PTPRD: variants seen among roughly 807,000 people sequenced by gnomAD.
PTPRD encodes the protein protein tyrosine phosphatase receptor type D, also known as receptor-type tyrosine-protein phosphatase delta.
PTPRD carries 34 observed loss-of-function variants against 214.5 expected under a neutral mutation model. The ratio of observed to expected loss-of-function variants is 0.16; its 90% CI spans 0.12 to 0.21. The LOEUF (loss-of-function observed/expected upper bound fraction) is 0.21, where lower values mean the gene tolerates loss of function less well. Ranked by LOEUF, PTPRD falls within the 10% of genes least tolerant of loss-of-function variation. The pLI, the probability that PTPRD is intolerant of heterozygous loss-of-function variation, is 1.00. For missense variants in PTPRD, 2,545 were observed against 2,398.7 expected, an observed-to-expected ratio of 1.06 and a Z score of -1.27; for synonymous variants, 1,128 against 845.7, an observed-to-expected ratio of 1.33 and a Z score of -5.79.
At position 10,364,837 on chromosome 9, in the gene PTPRD, C is replaced by T. The variant is rs187639071; in HGVS notation, c.-599-23820G>A. On this transcript the variant is annotated intron_variant, in intron 2 of 45. Coordinates refer to ENST00000381196, the MANE Select transcript of PTPRD (RefSeq NM_002839.4). Reference sequence around the variant, plus strand: ...CCATACGATATCTATATTTTCGTAGCTCACTAAAATTTCAGAATTACATTT... The same window carrying T: ...CCATACGATATCTATATTTTCGTAGTTCACTAAAATTTCAGAATTACATTT... Among the ~76,000 whole-genome samples, 3 of 152,268 alleles carry T rather than the reference C, an allele frequency of 2.0e-5. No individual in the cohort carries two copies. In the East Asian group the frequency reaches 5.8e-4, roughly 29 times the overall value.
intron 11 of PTPRD, among the ~76,000 whole-genome samples, chr9:8,835,556 G>A (rs1228298210): frequency 2.6e-5 from 4 of 152,076 alleles, no homozygotes; most frequent in Admixed American, 2.0e-4. Context: ...GTTGAGACAG[G>A]TCTCACTCTG....
chr9:9,931,988 G>A (rs1475993649), intron 5 of PTPRD, among the ~76,000 whole-genome samples: 1 of 152,044 alleles, frequency 6.6e-6, no homozygotes, highest in Admixed American at 6.5e-5. Context: ...ACACAGCAGA[G>A]TACTCCAACA....
intron 3 of PTPRD, among the ~76,000 whole-genome samples, chr9:10,124,421 C>T (rs938492234): frequency 2.0e-5 from 3 of 152,138 alleles, no homozygotes; most frequent in Admixed American, 2.0e-4. Flanking sequence ...TAATACAACA[C>T]ACCATGCGTA....
At chr9:9,203,336 G>T (rs2099942987) in intron 9 of PTPRD, among the ~76,000 whole-genome samples, 1 of 152,026 alleles carries the variant, frequency 6.6e-6, no homozygotes. Context: ...CACAAAACTG[G>T]CATATAGTAG....
At chr9:10,147,091 G>C (rs1040106686) in intron 3 of PTPRD, among the ~76,000 whole-genome samples, 1 of 152,084 alleles carries the variant, frequency 6.6e-6, no homozygotes, top group African/African-American at 2.4e-5. Context: ...AACTAAACCA[G>C]TTACTTACAG....
chr9:8,884,342 G>C (rs1390764647), intron 11 of PTPRD, among the ~76,000 whole-genome samples: 1 of 152,242 alleles, frequency 6.6e-6, no homozygotes, highest in Non-Finnish European at 1.5e-5. Flanking sequence ...TCTAACTTCT[G>C]AGACTGCAGG....
chr9:8,602,997 CCAA>C (rs1386131857), intron 14 of PTPRD, among the ~76,000 whole-genome samples: 1 of 152,086 alleles, frequency 6.6e-6, no homozygotes, highest in African/African-American at 2.4e-5. Context: ...TGAAGAGATT[CCAA>C]CAACACTGCA....
chr9:9,217,013 A>C (rs2099952720), intron 9 of PTPRD, among the ~76,000 whole-genome samples: 1 of 152,146 alleles, frequency 6.6e-6, no homozygotes, highest in Non-Finnish European at 1.5e-5. Flanking sequence ...AAAAAATTCA[A>C]AGAACCAATA....
chr9:10,136,573 G>A (rs1359283278), intron 3 of PTPRD, among the ~76,000 whole-genome samples: 5 of 86,414 alleles, frequency 5.8e-5, no homozygotes, highest in East Asian at 7.7e-4. Flanking sequence ...AGATTTAAAC[G>A]TTAAACCTAA....
At chr9:9,854,834 A>G (rs937896954) in intron 5 of PTPRD, among the ~76,000 whole-genome samples, 7 of 152,142 alleles carry the variant, frequency 4.6e-5, no homozygotes, top group South Asian at 2.1e-4. Context: ...ACCTTTTGCT[A>G]TAACTATGGA....
chr9:9,561,680 A>C (rs1200209557), intron 8 of PTPRD, among the ~76,000 whole-genome samples: 1 of 152,244 alleles, frequency 6.6e-6, no homozygotes, highest in African/African-American at 2.4e-5. Flanking sequence ...CTTTCCAAAC[A>C]AAAGAAGGGT....
chr9:8,331,734 G>A lies in PTPRD; in HGVS notation c.5382C>T (p.Asp1794=), dbSNP rs143526425. The part of the protein sequence containing the change: ...LREFKVTDAR[D]GQSRTVRQFQ... ...ACTGCCTTACTGTTCGGGACTGGCC[G>A]TCCTTTAGAAGGAAAGCCACATACC... Residue 1794 remains aspartate (D), a splice_region_variant and synonymous_variant, in exon 44 of 46, where the codon GAC becomes GAT. Coordinates refer to ENST00000381196, the MANE Select transcript of PTPRD (RefSeq NM_002839.4). The A allele has an allele frequency of 1.6e-4, 251 of 1,588,532 alleles. 1 individual carries two copies. In the African/African-American group the frequency reaches 2.5e-3, roughly 16 times the overall value.
At chr9:9,638,334 C>G (rs930412354) in intron 7 of PTPRD, among the ~76,000 whole-genome samples, 3 of 152,182 alleles carry the variant, frequency 2.0e-5, no homozygotes, top group Non-Finnish European at 4.4e-5. Flanking sequence ...GCCAAATATC[C>G]TGGTTCATCA....
intron 10 of PTPRD, among the ~76,000 whole-genome samples, chr9:9,045,757 T>A (rs1053284171): frequency 1.3e-5 from 2 of 152,164 alleles, no homozygotes; most frequent in Admixed American, 6.5e-5. Flanking sequence ...GCACCAGCTG[T>A]TGGGTCCTGG....
At chr9:10,405,547 G>A (rs529213237) in intron 2 of PTPRD, among the ~76,000 whole-genome samples, 1 of 151,326 alleles carries the variant, frequency 6.6e-6, no homozygotes, top group Non-Finnish European at 1.5e-5. Context: ...AAAAGCAACT[G>A]ATATAAATAA....
chr9:9,629,238 G>GTATATATATATATA (rs113482595), intron 7 of PTPRD, among the ~76,000 whole-genome samples: 30 of 140,396 alleles, frequency 2.1e-4, no homozygotes, highest in African/African-American at 7.6e-4. Context: ...GTGTGTGTGT[G>GTATATATATATATA]TATATATATA....
intron 9 of PTPRD, among the ~76,000 whole-genome samples, chr9:9,268,111 T>A (rs976002298): frequency 1.3e-4 from 19 of 150,994 alleles, no homozygotes; most frequent in African/African-American, 4.4e-4. Context: ...ATCTTATATA[T>A]AGAAAACCCT....
chr9:8,489,813 C>T (rs751296217), intron 27 of PTPRD, among the ~76,000 whole-genome samples: 3 of 152,216 alleles, frequency 2.0e-5, no homozygotes, highest in African/African-American at 7.2e-5. Flanking sequence ...ATGGAACTCA[C>T]TGCATTCCTG....
chr9:10,016,856 G>C (rs535670495), intron 4 of PTPRD, among the ~76,000 whole-genome samples: 2 of 152,084 alleles, frequency 1.3e-5, no homozygotes, highest in East Asian at 3.9e-4. Context: ...GTAGAGACAG[G>C]GTCTCGCTAT....
Sources: gnomAD v4.1 joint callset for allele counts (sites outside exome capture counted in the v4.1 genomes callset) on GRCh38, gnomAD v4.1.1 for gene constraint, MANE v1.5 for transcripts, NCBI Gene and HGNC (gene_info 2026-07-23, HGNC 2026-07-21) for gene names.